The following PALM2AKAP2 variants were observed in gnomAD, a reference collection of about 807,000 sequenced individuals.
The protein encoded by PALM2AKAP2 is PALM2-AKAP2 fusion protein.
A neutral mutation model predicts 71.5 loss-of-function variants in PALM2AKAP2; 37 were observed. The ratio of observed to expected loss-of-function variants is 0.52; its 90% CI spans 0.40 to 0.68. The LOEUF is 0.68. Ranked by LOEUF, PALM2AKAP2 falls within the 30% of genes least tolerant of loss-of-function variation. The pLI is 0.00. For missense variants in PALM2AKAP2, 1,224 were observed against 1,191.8 expected, an observed-to-expected ratio of 1.03 and a Z score of -0.40; for synonymous variants, 468 against 478.8, an observed-to-expected ratio of 0.98 and a Z score of 0.29.
At chr9:110,066,704 A>G (rs1281109682) in intron 1 of PALM2AKAP2, among the ~76,000 whole-genome samples, 1 of 151,970 alleles carries the variant, frequency 6.6e-6, no homozygotes, top group Non-Finnish European at 1.5e-5. Context: ...GTCTCTTAAA[A>G]AAAAAAAAAA....
At chr9:109,715,816 TTTC>T (rs559439567) in intron 1 of PALM2AKAP2, among the ~76,000 whole-genome samples, 2 of 152,232 alleles carry the variant, frequency 1.3e-5, no homozygotes, top group Non-Finnish European at 2.9e-5. Flanking sequence ...ATTCAGACCA[TTTC>T]TTCTTCTTCT....
At chr9:109,648,119 G>T (rs533624773) in intron 1 of PALM2AKAP2, among the ~76,000 whole-genome samples, 29 of 152,244 alleles carry the variant, frequency 1.9e-4, no homozygotes, top group African/African-American at 6.7e-4. Flanking sequence ...AGTTTCCCCT[G>T]CTCTTTCTCT....
chr9:110,010,303 TTTCTC>T (rs1223918670), intron 6 of PALM2AKAP2, among the ~76,000 whole-genome samples: 2 of 152,030 alleles, frequency 1.3e-5, no homozygotes, highest in African/African-American at 4.8e-5. Flanking sequence ...ATAAATGTAA[TTTCTC>T]TTCTCAAAGA....
chr9:109,679,835 T>C (rs928241299), intron 1 of PALM2AKAP2, among the ~76,000 whole-genome samples: 6 of 152,214 alleles, frequency 3.9e-5, no homozygotes, highest in Non-Finnish European at 7.4e-5. Flanking sequence ...AAGTATATGC[T>C]CTTTGTTATA....
intron 1 of PALM2AKAP2, among the ~76,000 whole-genome samples, chr9:109,807,371 A>G (rs1377328585): frequency 6.6e-6 from 1 of 152,186 alleles, no homozygotes; most frequent in African/African-American, 2.4e-5. Flanking sequence ...TGCTGTAACA[A>G]AATGCCATAG....
chr9:109,900,540 T>C (rs1830304162), intron 3 of PALM2AKAP2, among the ~76,000 whole-genome samples: 1 of 152,228 alleles, frequency 6.6e-6, no homozygotes, highest in East Asian at 1.9e-4. Flanking sequence ...TTTGGGCTTT[T>C]ACCCCAGTGG....
At chr9:110,170,355 A>C (rs1212488331) in exon 4 of PALM2AKAP2, 1 of 152,676 alleles carries the variant, frequency 6.5e-6, no homozygotes, top group Admixed American at 6.5e-5. Flanking sequence ...TATTCTAACA[A>C]GTAGCAATTT....
chr9:109,779,464 T>C (rs1351851526), upstream of PALM2AKAP2, among the ~76,000 whole-genome samples: 2 of 152,204 alleles, frequency 1.3e-5, no homozygotes, highest in African/African-American at 4.8e-5. Context: ...GTGATGCCCT[T>C]TACAAAGCAC....
At chr9:109,879,795 C>A (rs9408827) in intron 2 of PALM2AKAP2, among the ~76,000 whole-genome samples, 53,320 of 151,146 alleles carry the variant, frequency 0.35, 10,069 homozygotes, top group Non-Finnish European at 0.43. Context: ...CTACCTGGCT[C>A]AAGCGATCCT....
rs1053063137 is a variant in PALM2AKAP2 at position 109,784,130 on chromosome 9, A to G, written c.45+3597A>G. Among the ~76,000 whole-genome samples, 9 of 152,380 alleles carry G rather than the reference A, an allele frequency of 5.9e-5. No homozygotes were observed. In the South Asian group the frequency reaches 8.3e-4, roughly 14 times the overall value. Reference sequence around the variant, plus strand: ...TTTAGAACATGGTAAAAAGCCTCTGAAACAGCATGAGTGAGAATGGTAATC... The same window carrying G: ...TTTAGAACATGGTAAAAAGCCTCTGGAACAGCATGAGTGAGAATGGTAATC... On this transcript the variant is annotated intron_variant, in intron 1 of 9. Transcript: ENST00000302798.
At chr9:110,163,709 G>A (rs911289448) in intron 3 of PALM2AKAP2, among the ~76,000 whole-genome samples, 1 of 152,224 alleles carries the variant, frequency 6.6e-6, no homozygotes, top group South Asian at 2.1e-4. Flanking sequence ...GATCACTGTG[G>A]CTCTGGTTCA....
intron 2 of PALM2AKAP2, among the ~76,000 whole-genome samples, chr9:110,146,133 T>C (rs373971966): frequency 6.6e-6 from 1 of 151,692 alleles, no homozygotes; most frequent in African/African-American, 2.4e-5. Context: ...CTCCTGACCT[T>C]GTTATCCACC....
intron 1 of PALM2AKAP2, among the ~76,000 whole-genome samples, chr9:109,855,991 T>C (rs1033774002): frequency 6.6e-6 from 1 of 152,220 alleles, no homozygotes; most frequent in Non-Finnish European, 1.5e-5. Context: ...GTAGTTTCTT[T>C]CATTTAAAAC....
chr9:109,698,985 A>G lies in PALM2AKAP2; in HGVS notation c.5+58119A>G, dbSNP rs575613312. Among the ~76,000 whole-genome samples, 8 of 152,376 alleles carry G rather than the reference A, an allele frequency of 5.3e-5. No individual in the cohort carries two copies. The South Asian group carries it at 1.2e-3, about 24-fold the overall frequency. ...ATAATTATATAAGTAATTTGACTAC[A>G]TAACATTTCAAAATTCTGTGCACAA... On this transcript the variant is annotated intron_variant, in intron 1 of 6. Transcript: ENST00000374531.
intron 1 of PALM2AKAP2, among the ~76,000 whole-genome samples, chr9:110,113,218 T>C (rs562391504): frequency 6.9e-6 from 1 of 143,998 alleles, no homozygotes; most frequent in South Asian, 2.2e-4. Context: ...GTTGTTTGTC[T>C]TTTTGTTTTT....
chr9:109,811,908 T>C (rs10980059), intron 1 of PALM2AKAP2, among the ~76,000 whole-genome samples: 26,946 of 152,176 alleles, frequency 0.18, 2,789 homozygotes, highest in East Asian at 0.35. Flanking sequence ...ATGGTATACC[T>C]GAAAGAAACC....
chr9:109,913,570 T>G (rs536598723), intron 3 of PALM2AKAP2, among the ~76,000 whole-genome samples: 1 of 152,246 alleles, frequency 6.6e-6, no homozygotes, highest in Non-Finnish European at 1.5e-5. Context: ...TTTTTTCTTC[T>G]GCTGCTGAGT....
At chr9:109,943,625 C>A in intron 6 of PALM2AKAP2, 1 of 669,682 alleles carries the variant, frequency 1.5e-6, no homozygotes, top group Non-Finnish European at 2.5e-6. Flanking sequence ...TCATTCTCTC[C>A]AAGAACTTGC....
chr9:109,698,931 A>C (rs941908), intron 1 of PALM2AKAP2, among the ~76,000 whole-genome samples: 139,299 of 152,202 alleles, frequency 0.92, 63,913 homozygotes, highest in African/African-American at 0.97. Context: ...GAGGGGGAAA[A>C]ACTGTGAAAT....
Sources: allele counts gnomAD v4.1 joint callset (sites outside exome capture counted in the v4.1 genomes callset), GRCh38; gene constraint gnomAD v4.1.1; transcripts MANE v1.5; gene names NCBI Gene and HGNC (gene_info 2026-07-23, HGNC 2026-07-21).